The following HYOU1 variants were observed in gnomAD, a reference collection of about 807,000 sequenced individuals.
HYOU1 encodes hypoxia up-regulated 1, also known as hypoxia up-regulated protein 1.
In HYOU1, 40 loss-of-function variants were observed where a neutral mutation model predicts 120.5. The ratio of observed to expected loss-of-function variants is 0.33; its 90% CI spans 0.26 to 0.43. The LOEUF is 0.43. HYOU1 is among the 20% of genes least tolerant of loss of function. The probability of loss-of-function intolerance (pLI) is 1.00; values close to 1 mark genes in which losing one functional copy is unlikely to be tolerated. For missense variants in HYOU1, 1,085 were observed against 1,278.3 expected, an observed-to-expected ratio of 0.85 and a Z score of 2.31; for synonymous variants, 501 against 479.4, an observed-to-expected ratio of 1.05 and a Z score of -0.59.
In HYOU1 at chr11:119,048,926, C is replaced by G; in HGVS notation, c.1993-40G>C. The G allele has an allele frequency of 6.2e-7, 1 of 1,605,676 alleles. No homozygotes were observed. Among genetic ancestry groups the G allele is most frequent in the Non-Finnish European group, 8.5e-7 (1 of 1,176,276 alleles). ...TCAGGGGTGTCAGGAAAAGCCTCTG[C>G]CCTCCTACATTCTCCACAAGGCCAG... On this transcript the variant is annotated intron_variant, in intron 17 of 25. Transcript: ENST00000617285. The surrounding 1 kb of genome is among the most constrained non-coding windows in gnomAD (Gnocchi z 4.7).
chr11:119,057,150 A>G lies in HYOU1; in HGVS notation c.-138T>C, dbSNP rs1944832005. On this transcript the variant is annotated 5_prime_UTR_variant, in exon 1 of 26. Coordinates refer to ENST00000617285, the MANE Select transcript of HYOU1 (RefSeq NM_006389.5). ...TTTGCAAACTGTTACATTAGCCACC[A>G]ACCTCTCGGCGGCGTCTCGCGCACC... The G allele has an allele frequency of 6.6e-6, 1 of 151,054 alleles. No homozygotes were observed. Among genetic ancestry groups the G allele is most frequent in the Admixed American group, 6.6e-5 (1 of 15,184 alleles). 9.4% of individuals were successfully genotyped at this position (151,054 alleles called of 1,614,324 possible).
intron 16 of HYOU1, 138 bp downstream of exon 16, chr11:119,049,418 C>T: frequency 6.4e-7 from 1 of 1,569,328 alleles, no homozygotes. Context: ...AGAAACAGCT[C>T]AGAGCCCAGA....
chr11:119,056,488 C>T (rs2134714063), intron 1 of HYOU1: 1 of 437,774 alleles, frequency 2.3e-6, no homozygotes, highest in African/African-American at 2.0e-5. Context: ...CGCACCGCAG[C>T]ACTGTGCCTG....
Position 119,048,345 on chromosome 11 carries a change from T to C in HYOU1, c.2279A>G (p.Gln760Arg). The change falls in exon 20 of 26, where the codon CAG (glutamine) becomes CGG (arginine). Residue 760 changes from glutamine (Q) to arginine (R), a missense_variant. Gln to Arg is a conservative substitution (Grantham distance 43, BLOSUM62 1). Coordinates refer to ENST00000617285, the MANE Select transcript of HYOU1 (RefSeq NM_006389.5). The surrounding 1 kb of genome is among the most constrained non-coding windows in gnomAD (Gnocchi z 4.7). ...ACGCTGCTCCTCTGTGGACACTTCC[T>C]GGTACTCGGGCTGGTACAGCTTGTC... ...TQDKLYQPEY[Q>R]EVSTEEQREE... is the part of the protein sequence containing the mutation. The C allele has an allele frequency of 6.2e-7, 1 of 1,609,688 alleles. No individual in the cohort carries two copies. Among genetic ancestry groups the C allele is most frequent in the East Asian group, 2.2e-5 (1 of 44,898 alleles).
In HYOU1 at chr11:119,051,178, T is replaced by C; in HGVS notation, c.1527-5A>G. On this transcript the variant is annotated splice_polypyrimidine_tract_variant and splice_region_variant and intron_variant, in intron 13 of 25. Coordinates refer to ENST00000617285, the MANE Select transcript of HYOU1 (RefSeq NM_006389.5). The surrounding 1 kb of genome is among the most constrained non-coding windows in gnomAD (Gnocchi z 4.2). ...AGATTCTGGGAGCCAAATACCCTGG[T>C]TGGGAAGGAAAGAGGAGTTCAGGGG... The C allele has an allele frequency of 6.2e-7, 1 of 1,614,166 alleles. No homozygotes were observed. The highest frequency in any genetic ancestry group is 8.5e-7 in the Non-Finnish European group (1 of 1,180,022).
chr11:119,049,705 C>T (rs969171227), intron 15 of HYOU1, 70 bp from the exon 16 acceptor site: 1 of 1,605,846 alleles, frequency 6.2e-7, no homozygotes, highest in Admixed American at 1.7e-5. Context: ...ACCCAAGGGC[C>T]ATGCCCTGTC....
chr11:119,054,380 T>A, intron 7 of HYOU1, 114 bp downstream of exon 7: 1 of 1,243,028 alleles, frequency 8.0e-7, no homozygotes, highest in South Asian at 1.3e-5. Context: ...AGGCTATTGG[T>A]GCATTTTGCC....
chr11:119,055,640 C>A lies in HYOU1; in HGVS notation c.186-69G>T, dbSNP rs1052270494. 5.3e-6 allele frequency: 8 copies of A among 1,508,036 alleles called. No individual in the cohort carries two copies. The South Asian group carries it at 7.9e-5, about 15-fold the overall frequency. 93.4% of individuals were successfully genotyped at this position (1,508,036 alleles called of 1,614,324 possible). A position where few individuals can be genotyped will look rare whatever the true frequency, so the allele number is the denominator to read the frequency against. Reference sequence around the variant, plus strand: ...ACTCAGAAGCCTCGACACTCACACACATTTAACCACTCAGATGCCGAAGTC... The same window carrying A: ...ACTCAGAAGCCTCGACACTCACACAAATTTAACCACTCAGATGCCGAAGTC... On this transcript the variant is annotated intron_variant, in intron 3 of 25. Transcript: ENST00000617285. The surrounding 1 kb of genome is among the most constrained non-coding windows in gnomAD (Gnocchi z 4.0).
At position 119,055,436 on chromosome 11, in the gene HYOU1, G is replaced by GGGCTGCCATCTCCTCTCCTCTGCC; in HGVS notation, c.264+33_264+56dup. ...AGACTGATAAGGAAACAGACTCTGG[G>GGGCTGCCATCTCCTCTCCTCTGCC]GGCTGCCATCTCCTCTCCTCTGCCC... is the stretch of plus-strand genomic sequence containing the variant. On this transcript the variant is annotated intron_variant, in intron 4 of 25. Transcript: ENST00000617285. This position sits in a 1 kb window ranked among gnomAD's most constrained non-coding sequence, Gnocchi z 4.0. 6.2e-7 allele frequency: 1 copy of GGGCTGCCATCTCCTCTCCTCTGCC among 1,607,582 alleles called. No individual in the cohort carries two copies. Among genetic ancestry groups the GGGCTGCCATCTCCTCTCCTCTGCC allele is most frequent in the Non-Finnish European group, 8.5e-7 (1 of 1,174,464 alleles).
At position 119,045,186 on chromosome 11, in the gene HYOU1, G is replaced by T. The variant is rs947092839; in HGVS notation, c.*407C>A. Reference sequence around the variant, plus strand: ...AGGATGCTCATCGCATGGTGGGAGAGGAAGGGAGGGAAGGAACAATCACCA... The same window carrying T: ...AGGATGCTCATCGCATGGTGGGAGATGAAGGGAGGGAAGGAACAATCACCA... On this transcript the variant is annotated 3_prime_UTR_variant, in exon 26 of 26. Transcript: ENST00000617285. 18 of 459,534 alleles carry T rather than the reference G, an allele frequency of 3.9e-5. No individual in the cohort carries two copies. Among genetic ancestry groups the T allele is most frequent in the Non-Finnish European group, 7.0e-5 (16 of 228,296 alleles). 28.5% of individuals were successfully genotyped at this position (459,534 alleles called of 1,614,324 possible). A position where few individuals can be genotyped will look rare whatever the true frequency, so the allele number is the denominator to read the frequency against.
rs2133606945 is a variant in HYOU1 at position 119,054,668 on chromosome 11, G to A, written c.504C>T (p.Pro168=). 6.2e-7 allele frequency: 1 copy of A among 1,611,790 alleles called. No individual in the cohort carries two copies. The highest frequency in any genetic ancestry group is 1.1e-5 in the South Asian group (1 of 91,070). Residue 168 remains proline (P), a synonymous_variant, in exon 7 of 26, where the codon CCC becomes CCT. Transcript: ENST00000617285. ...GCACGGTGATCACTGCATCCTTGAT[G>A]GGCTGCTCTACAGATGACAACAGAA... ...RSLAEDFAEQ[P]IKDAVITVPV... is the part of the protein sequence containing the mutation.
Position 119,045,600 on chromosome 11 carries a change from T to TC in HYOU1, c.2992dup (p.Glu998GlyfsTer24). ...GGAAAACAGAGGTGGGGGTTATAGT[T>TC]CGTCGTTCTTCAAAGGCCGCTTCTG... On this transcript the variant is annotated frameshift_variant, in exon 26 of 26. Coordinates refer to ENST00000617285, the MANE Select transcript of HYOU1 (RefSeq NM_006389.5). LOFTEE classifies it high-confidence loss of function. 1.9e-6 allele frequency: 3 copies of TC among 1,614,086 alleles called. No homozygotes were observed. The highest frequency in any genetic ancestry group is 2.5e-6 in the Non-Finnish European group (3 of 1,179,940).
Position 119,045,100 on chromosome 11 carries a change from GCA to G in HYOU1, c.*491_*492del. On this transcript the variant is annotated 3_prime_UTR_variant, in exon 26 of 26. Transcript: ENST00000617285. ...GAGAAGCCCGCAGAGGGAGGAAAGA[GCA>G]CAGATAGGCACTCAGAAACCAAACC... 1 of 453,910 alleles carries G rather than the reference GCA, an allele frequency of 2.2e-6. No individual in the cohort carries two copies. The highest frequency in any genetic ancestry group is 4.4e-6 in the Non-Finnish European group (1 of 224,860). 28.1% of individuals were successfully genotyped at this position (453,910 alleles called of 1,614,324 possible). A position where few individuals can be genotyped will look rare whatever the true frequency, so the allele number is the denominator to read the frequency against.
intron 25 of HYOU1, 32 bp downstream of exon 25, chr11:119,045,749 G>C: frequency 6.2e-7 from 1 of 1,613,290 alleles, no homozygotes; most frequent in African/African-American, 1.3e-5. Context: ...ACCCCACCAG[G>C]CTTCCCACCG....
intron 16 of HYOU1, 84 bp from the exon 17 acceptor site, chr11:119,049,287 G>C: frequency 6.3e-7 from 1 of 1,584,534 alleles, no homozygotes; most frequent in South Asian, 1.1e-5. Flanking sequence ...GACCCCATGG[G>C]GGTTCCATAC....
chr11:119,055,990 C>A lies in HYOU1; in HGVS notation c.91+80G>T. On this transcript the variant is annotated intron_variant, in intron 2 of 25. Transcript: ENST00000617285. The surrounding 1 kb of genome is among the most constrained non-coding windows in gnomAD (Gnocchi z 4.0). ...ACCTAACAACTCAAGAGACTTCTGG[C>A]CAACAGCCCCAAGCTCAATTCCCAT... 1 of 1,437,840 alleles carries A rather than the reference C, an allele frequency of 7.0e-7. No individual in the cohort carries two copies. The highest frequency in any genetic ancestry group is 9.8e-7 in the Non-Finnish European group (1 of 1,020,216). 89.1% of individuals were successfully genotyped at this position (1,437,840 alleles called of 1,614,324 possible). A position where few individuals can be genotyped will look rare whatever the true frequency, so the allele number is the denominator to read the frequency against.
At chr11:119,046,265 CTTTTTTTTTTT>C (rs11349624) in intron 24 of HYOU1, 141 bp downstream of exon 24, 1 of 494,422 alleles carries the variant, frequency 2.0e-6, no homozygotes, top group Admixed American at 3.9e-5. Context: ...CGTGCCTGGC[CTTTTTTTTTTT>C]TTTTTTTTTT....
rs2133593048 is a variant in HYOU1 at position 119,052,456 on chromosome 11, G to A, written c.988-27C>T. 1.2e-5 allele frequency: 19 copies of A among 1,613,864 alleles called. No homozygotes were observed. In the South Asian group the frequency reaches 1.4e-4, roughly 12 times the overall value. ...TGGGAGAGGATGGGGACTGTCAGGGGGTTCTTGCCCAGCTCCCGCTCTCTT... is the reference window on the plus strand; with the variant it reads ...TGGGAGAGGATGGGGACTGTCAGGGAGTTCTTGCCCAGCTCCCGCTCTCTT... On this transcript the variant is annotated intron_variant, in intron 9 of 25. Coordinates refer to ENST00000617285, the MANE Select transcript of HYOU1 (RefSeq NM_006389.5). This position sits in a 1 kb window ranked among gnomAD's most constrained non-coding sequence, Gnocchi z 5.0.
intron 7 of HYOU1, 124 bp from the exon 8 acceptor site, chr11:119,054,360 G>A (rs1187113605): frequency 2.5e-6 from 3 of 1,189,476 alleles, no homozygotes; most frequent in South Asian, 1.3e-5. Flanking sequence ...CTCCAACAGG[G>A]GCTGGGAGGA....
Sources: allele counts gnomAD v4.1 joint callset, GRCh38; gene constraint gnomAD v4.1.1; non-coding constraint Gnocchi (gnomAD v3.1); transcripts MANE v1.5; gene names NCBI Gene and HGNC (gene_info 2026-07-23, HGNC 2026-07-21).